GRK5: variants seen among roughly 807,000 people sequenced by gnomAD.
The protein encoded by GRK5 is G protein-coupled receptor kinase 5.
GRK5 carries 40 observed loss-of-function variants against 78.4 expected under a neutral mutation model. The observed-to-expected ratio is 0.51, with a 90% CI of 0.40 to 0.66. GRK5 has a LOEUF of 0.66. Among genes scored for constraint, GRK5 ranks in the 30% least tolerant of loss-of-function variants. The pLI, the probability that GRK5 is intolerant of heterozygous loss-of-function variation, is 0.00. For synonymous variants in GRK5, 289 were observed against 296.8 expected (o/e 0.97, Z 0.27); for missense variants, 598 against 759.9 (o/e 0.79, Z 2.50).
intron 2 of GRK5, among the ~76,000 whole-genome samples, chr10:119,340,172 T>C (rs1391167305): frequency 2.0e-5 from 3 of 152,084 alleles, no homozygotes; most frequent in Non-Finnish European, 4.4e-5. Context: ...CCGTCACCCA[T>C]TCTGGAGTGC....
At chr10:119,326,994 C>T (rs1309634750) in intron 2 of GRK5, among the ~76,000 whole-genome samples, 2 of 152,182 alleles carry the variant, frequency 1.3e-5, no homozygotes, top group Admixed American at 6.5e-5. Flanking sequence ...CCAGGCCCAA[C>T]ACAGAGCCAC....
rs1310379641 is a variant in GRK5, at chr10:119,431,299, C to T, written c.598-88C>T. On this transcript the variant is annotated intron_variant, in intron 7 of 15. Coordinates refer to ENST00000392870, the MANE Select transcript of GRK5 (RefSeq NM_005308.3). The surrounding 1 kb of genome is among the most constrained non-coding windows in gnomAD (Gnocchi z 4.8). ...GGCTCTGACCCCATCCATTCTCTAC[C>T]TGGGAGGCCTGTGGTCCCCGCCCTG... 1 of 1,466,950 alleles carries T rather than the reference C, an allele frequency of 6.8e-7. No homozygotes were observed. Among genetic ancestry groups the T allele is most frequent in the Admixed American group, 2.1e-5 (1 of 46,616 alleles). 90.9% of individuals were successfully genotyped at this position (1,466,950 alleles called of 1,614,324 possible). A position where few individuals can be genotyped will look rare whatever the true frequency, so the allele number is the denominator to read the frequency against.
Position 119,453,188 on chromosome 10 carries a change from C to T in GRK5, c.1586C>T (p.Pro529Leu). 1 of 1,588,136 alleles carries T rather than the reference C, an allele frequency of 6.3e-7. No homozygotes were observed. Among genetic ancestry groups the T allele is most frequent in the Non-Finnish European group, 8.6e-7 (1 of 1,156,424 alleles). ...ECFKELNVFGPNGTLPPDLNR... is the reference protein window; with the variant it reads ...ECFKELNVFGLNGTLPPDLNR... The stretch of plus-strand genomic sequence containing the variant: ...TTTAAGGAGCTGAACGTGTTTGGAC[C>T]TAATGGTACCCTCCCGCCAGATCTG... The change falls in exon 15 of 16, where the codon CCT (proline) becomes CTT (leucine). Residue 529 changes from proline to leucine, a missense_variant. Physicochemically the swap from Pro to Leu is moderately conservative, Grantham distance 98. Transcript: ENST00000392870.
At chr10:119,276,361 T>C (rs920187630) in intron 1 of GRK5, among the ~76,000 whole-genome samples, 11 of 152,190 alleles carry the variant, frequency 7.2e-5, no homozygotes, top group Non-Finnish European at 1.3e-4. Context: ...TTTGGTTTTT[T>C]GTCCTTGCTA....
intron 3 of GRK5, among the ~76,000 whole-genome samples, chr10:119,384,841 C>T (rs774080780): frequency 3.3e-5 from 5 of 152,170 alleles, no homozygotes; most frequent in Non-Finnish European, 7.4e-5. Flanking sequence ...AGACCATGAG[C>T]ATCATAAGCC....
intron 9 of GRK5, among the ~76,000 whole-genome samples, chr10:119,437,941 T>C (rs1332792480): frequency 6.6e-6 from 1 of 152,122 alleles, no homozygotes; most frequent in Admixed American, 6.5e-5. Flanking sequence ...CTACTAAAAA[T>C]ACAAAAAGTA....
intron 1 of GRK5, among the ~76,000 whole-genome samples, chr10:119,299,811 TG>T (rs1663706847): frequency 1.3e-5 from 2 of 152,074 alleles, no homozygotes; most frequent in Non-Finnish European, 2.9e-5. Context: ...TGTGTGTGTG[TG>T]TGTGTGTGTG....
chr10:119,320,262 T>A (rs1850561874), intron 1 of GRK5, among the ~76,000 whole-genome samples: 1 of 152,054 alleles, frequency 6.6e-6, no homozygotes, highest in Non-Finnish European at 1.5e-5. Flanking sequence ...AAGAAGAAGG[T>A]GACAGAGAAC....
chr10:119,323,792 G>A (rs1017259979), intron 1 of GRK5, among the ~76,000 whole-genome samples: 7 of 152,222 alleles, frequency 4.6e-5, no homozygotes, highest in Admixed American at 3.9e-4. Context: ...TGGTGCACAC[G>A]TCATCTGAGC....
chr10:119,242,332 C>T (rs954085967), intron 1 of GRK5, among the ~76,000 whole-genome samples: 2 of 151,722 alleles, frequency 1.3e-5, no homozygotes, highest in Admixed American at 6.6e-5. Flanking sequence ...GGGATGGAAT[C>T]GGAGCGGGGG....
chr10:119,425,982 C>A (rs779118108), intron 6 of GRK5, among the ~76,000 whole-genome samples: 1 of 152,172 alleles, frequency 6.6e-6, no homozygotes, highest in Non-Finnish European at 1.5e-5. Context: ...CAGAGCGGGG[C>A]GATGCCTGTG....
chr10:119,244,617 C>T (rs192467279), intron 1 of GRK5, among the ~76,000 whole-genome samples: 179 of 152,278 alleles, frequency 1.2e-3, no homozygotes, highest in African/African-American at 4.2e-3. Context: ...GCCTATAGTC[C>T]TAGCTACACA....
chr10:119,234,432 C>T (rs1848884165), intron 1 of GRK5, among the ~76,000 whole-genome samples: 1 of 152,222 alleles, frequency 6.6e-6, no homozygotes, highest in Admixed American at 6.5e-5. Context: ...TTAATTCCAT[C>T]TTATAAACGA....
intron 1 of GRK5, among the ~76,000 whole-genome samples, chr10:119,259,483 C>T (rs1377193695): frequency 6.6e-6 from 1 of 152,262 alleles, no homozygotes; most frequent in East Asian, 1.9e-4. Flanking sequence ...ATGTTGACAC[C>T]CCAAAGAGAG....
At chr10:119,387,604 G>A (rs908124220) in intron 3 of GRK5, among the ~76,000 whole-genome samples, 7 of 152,172 alleles carry the variant, frequency 4.6e-5, no homozygotes, top group African/African-American at 1.4e-4. Context: ...GATTGAAGAG[G>A]GTCTAGGCTA....
intron 2 of GRK5, among the ~76,000 whole-genome samples, chr10:119,375,711 G>T (rs970887116): frequency 6.6e-6 from 1 of 152,246 alleles, no homozygotes; most frequent in Non-Finnish European, 1.5e-5. Flanking sequence ...TTGCAGGAAG[G>T]TGTGGCAATC....
Position 119,430,774 on chromosome 10 carries a change from A to G in GRK5, c.597+336A>G, listed in dbSNP as rs1158993967. 6.6e-6 allele frequency among the ~76,000 whole-genome samples: 1 copy of G among 152,054 alleles called. No individual in the cohort carries two copies. The highest frequency in any genetic ancestry group is 1.5e-5 in the Non-Finnish European group (1 of 67,992). ...GTGAGGAGGCTGGGCAACCTTGGCCACTCAGTGCCTGGATGACGCTGTCAT... is the reference window on the plus strand; with the variant it reads ...GTGAGGAGGCTGGGCAACCTTGGCCGCTCAGTGCCTGGATGACGCTGTCAT... On this transcript the variant is annotated intron_variant, in intron 7 of 15. Coordinates refer to ENST00000392870, the MANE Select transcript of GRK5 (RefSeq NM_005308.3). This position sits in a 1 kb window ranked among gnomAD's most constrained non-coding sequence, Gnocchi z 4.5.
At chr10:119,407,030 C>A (rs1852252725) in intron 4 of GRK5, among the ~76,000 whole-genome samples, 2 of 152,240 alleles carry the variant, frequency 1.3e-5, no homozygotes, top group Non-Finnish European at 2.9e-5. Context: ...ATCTCAGGGG[C>A]TGCCCAGTTC....
chr10:119,226,606 G>T, intron 1 of GRK5, among the ~76,000 whole-genome samples: 1 of 149,490 alleles, frequency 6.7e-6, no homozygotes, highest in Non-Finnish European at 1.5e-5. Flanking sequence ...GTACAGTGGT[G>T]CGATCTCGGC....
Sources: gnomAD v4.1 joint callset for allele counts (sites outside exome capture counted in the v4.1 genomes callset) on GRCh38, gnomAD v4.1.1 for gene constraint, Gnocchi (gnomAD v3.1) non-coding constraint, MANE v1.5 for transcripts, NCBI Gene and HGNC (gene_info 2026-07-23, HGNC 2026-07-21) for gene names.